Variants in IL1RAPL1 observed in about 807,000 individuals in gnomAD.
IL1RAPL1 encodes the protein interleukin 1 receptor accessory protein like 1.
A neutral mutation model predicts 48.4 loss-of-function variants in IL1RAPL1; 3 were observed. That is an observed-to-expected ratio of 0.06 (90% CI 0.03 to 0.16). The LOEUF (loss-of-function observed/expected upper bound fraction) is 0.16, where lower values mean the gene tolerates loss of function less well. Among genes scored for constraint, IL1RAPL1 ranks in the 10% least tolerant of loss-of-function variants. The pLI is 1.00. For synonymous variants in IL1RAPL1, 185 were observed against 187.7 expected (o/e 0.99, Z 0.12); for missense variants, 349 against 530.6 (o/e 0.66, Z 3.36).
At chrX:29,418,831 T>G (rs1934256220) in intron 5 of IL1RAPL1, among the ~76,000 whole-genome samples, 1 of 112,236 alleles carries the variant, frequency 8.9e-6, no homozygotes. Flanking sequence ...TTGGGGTATA[T>G]AATCAGATCA....
intron 5 of IL1RAPL1, among the ~76,000 whole-genome samples, chrX:29,558,264 T>C (rs1222493886): frequency 3.6e-5 from 4 of 111,951 alleles, no homozygotes; most frequent in Non-Finnish European, 7.5e-5. Flanking sequence ...TGTGGTTTTA[T>C]TTGCATTTCT....
At chrX:29,794,007 T>C (rs957412431) in intron 6 of IL1RAPL1, among the ~76,000 whole-genome samples, 2 of 112,027 alleles carry the variant, frequency 1.8e-5, no homozygotes, top group Non-Finnish European at 3.8e-5. Flanking sequence ...ATTTTGATGA[T>C]TGAAGAAAAG....
intron 8 of IL1RAPL1, among the ~76,000 whole-genome samples, chrX:29,932,449 C>T (rs1932962620): frequency 8.9e-6 from 1 of 111,929 alleles, no homozygotes. Context: ...ATGCTATTTG[C>T]TTTGAAAATA....
intron 2 of IL1RAPL1, among the ~76,000 whole-genome samples, chrX:29,119,124 G>A (rs1928731662): frequency 9.0e-6 from 1 of 110,681 alleles, no homozygotes; most frequent in Non-Finnish European, 1.9e-5. Flanking sequence ...ATGTAAATAT[G>A]TATCATATAT....
chrX:29,231,076 CACT>C (rs753627704), intron 2 of IL1RAPL1, among the ~76,000 whole-genome samples: 5 of 112,343 alleles, frequency 4.5e-5, no homozygotes, highest in Non-Finnish European at 7.5e-5. Flanking sequence ...ACTTGAATTT[CACT>C]ACCTGGATTC....
chrX:29,109,396 GTT>G (rs1928516267), intron 2 of IL1RAPL1, among the ~76,000 whole-genome samples: 1 of 106,353 alleles, frequency 9.4e-6, no homozygotes, highest in African/African-American at 3.4e-5. Flanking sequence ...CCAAACACTT[GTT>G]TTTTCTTTTT....
chrX:29,323,596 G>A (rs1483187103), intron 3 of IL1RAPL1, among the ~76,000 whole-genome samples: 1 of 99,202 alleles, frequency 1.0e-5, no homozygotes, highest in African/African-American at 3.7e-5. Context: ...TTCTTATCCT[G>A]CACATCCTCT....
rs776272278 is a variant in IL1RAPL1, at chrX:28,592,394, A to C, written c.-25+4347A>C. ...CTCTTGTCTTTCAGTATATTAACAA[A>C]AGCATAATGAGTTTGAATACCAAGT... On this transcript the variant is annotated intron_variant, in intron 1 of 10. Transcript: ENST00000378993. Among the ~76,000 whole-genome samples, 12 of 111,622 alleles carry C rather than the reference A, an allele frequency of 1.1e-4. No homozygotes were observed. The South Asian group carries it at 2.3e-3, about 21-fold the overall frequency.
chrX:28,849,810 G>A (rs190856691), intron 2 of IL1RAPL1, among the ~76,000 whole-genome samples: 5 of 111,904 alleles, frequency 4.5e-5, no homozygotes, highest in Admixed American at 2.8e-4. Flanking sequence ...TATATACTGC[G>A]TATTAGACAC....
chrX:28,896,094 G>T (rs1405425303), intron 2 of IL1RAPL1, among the ~76,000 whole-genome samples: 3 of 112,114 alleles, frequency 2.7e-5, no homozygotes, highest in Non-Finnish European at 3.8e-5. Flanking sequence ...ACCCCTGGCA[G>T]CTGCGGTTCG....
intron 6 of IL1RAPL1, among the ~76,000 whole-genome samples, chrX:29,766,801 G>A (rs188787184): frequency 0.036 from 3,746 of 102,824 alleles, 183 homozygotes; most frequent in African/African-American, 0.13. Context: ...TATATAATGT[G>A]TTATATATAA....
At chrX:28,979,348 T>G (rs888684237) in intron 2 of IL1RAPL1, among the ~76,000 whole-genome samples, 1 of 112,271 alleles carries the variant, frequency 8.9e-6, no homozygotes, top group Non-Finnish European at 1.9e-5. Context: ...TTATACTTTG[T>G]TCAATATACT....
At chrX:29,635,910 T>G (rs1281615705) in intron 5 of IL1RAPL1, among the ~76,000 whole-genome samples, 1 of 111,096 alleles carries the variant, frequency 9.0e-6, no homozygotes, top group Non-Finnish European at 1.9e-5. Context: ...GGTACGCTAG[T>G]CATTCAAAGA....
At chrX:29,183,644 A>T (rs1930190886) in intron 2 of IL1RAPL1, among the ~76,000 whole-genome samples, 1 of 109,933 alleles carries the variant, frequency 9.1e-6, no homozygotes, top group Non-Finnish European at 1.9e-5. Flanking sequence ...TTCCTACTGA[A>T]TGAGATGCCC....
rs139183004 is a variant in IL1RAPL1 at position 29,186,821 on chromosome X, A to G, written c.83-96117A>G. Among the ~76,000 whole-genome samples, 990 of 111,777 alleles carry G rather than the reference A, an allele frequency of 8.9e-3. 15 individuals carry two copies. Among genetic ancestry groups the G allele is most frequent in the African/African-American group, 0.03 (932 of 30,779 alleles). On this transcript the variant is annotated intron_variant, in intron 2 of 10. Transcript: ENST00000378993. The stretch of plus-strand genomic sequence containing the variant: ...GGTATGTACATTTCATAGGTAAGGA[A>G]GTCAAGGTTTAATGAATAAGTGACA...
At chrX:28,851,316 T>C (rs142025483) in intron 2 of IL1RAPL1, among the ~76,000 whole-genome samples, 1,234 of 110,679 alleles carry the variant, frequency 0.011, 21 homozygotes, top group African/African-American at 0.038. Flanking sequence ...ACACATATTT[T>C]GCAAAAATAG....
At chrX:29,443,256 C>CTCTCTCTG (rs1569312325) in intron 5 of IL1RAPL1, among the ~76,000 whole-genome samples, 1 of 109,834 alleles carries the variant, frequency 9.1e-6, no homozygotes, top group African/African-American at 3.4e-5. Flanking sequence ...CTCTCTCTCT[C>CTCTCTCTG]TCTGTCTCAA....
chrX:29,834,978 A>G (rs1361743031), intron 6 of IL1RAPL1, among the ~76,000 whole-genome samples: 1 of 112,023 alleles, frequency 8.9e-6, no homozygotes, highest in African/African-American at 3.2e-5. Flanking sequence ...ACTAATATGG[A>G]TTTCATGCTT....
At chrX:29,950,681 T>C (rs1183156323) in intron 9 of IL1RAPL1, among the ~76,000 whole-genome samples, 5 of 105,178 alleles carry the variant, frequency 4.8e-5, no homozygotes, top group Admixed American at 2.0e-4. Flanking sequence ...TTTTTTTTTT[T>C]TTTCTTTTTT....
Sources: allele counts gnomAD v4.1 joint callset (sites outside exome capture counted in the v4.1 genomes callset), GRCh38; gene constraint gnomAD v4.1.1; transcripts MANE v1.5; gene names NCBI Gene and HGNC (gene_info 2026-07-23, HGNC 2026-07-21).